Variants in RALGAPA2 observed in about 807,000 individuals in gnomAD.
RALGAPA2 encodes the protein ral GTPase-activating protein subunit alpha-2.
RALGAPA2 carries 139 observed loss-of-function variants against 230.4 expected under a neutral mutation model. That is an observed-to-expected ratio of 0.60 (90% CI 0.53 to 0.69). The LOEUF (loss-of-function observed/expected upper bound fraction) is 0.69, where lower values mean the gene tolerates loss of function less well. Ranked by LOEUF, RALGAPA2 falls within the 30% of genes least tolerant of loss-of-function variation. The pLI is 0.00. For synonymous variants in RALGAPA2, 847 were observed against 837.8 expected, an observed-to-expected ratio of 1.01 and a Z score of -0.19; for missense variants, 2,163 against 2,276.0, an observed-to-expected ratio of 0.95 and a Z score of 1.01.
intron 20 of RALGAPA2, among the ~76,000 whole-genome samples, chr20:20,582,400 C>T (rs1044685465): frequency 3.3e-5 from 5 of 151,902 alleles, no homozygotes; most frequent in Admixed American, 6.6e-5. Context: ...GCCTGGAAGC[C>T]GACCCAGAAA....
intron 39 of RALGAPA2, among the ~76,000 whole-genome samples, chr20:20,394,015 C>T (rs2059653369): frequency 6.6e-6 from 1 of 152,152 alleles, no homozygotes; most frequent in South Asian, 2.1e-4. Context: ...GTATTATGCC[C>T]CAAGTTTCCT....
chr20:20,422,577 A>T (rs929133794), intron 37 of RALGAPA2, among the ~76,000 whole-genome samples: 1 of 152,190 alleles, frequency 6.6e-6, no homozygotes, highest in Non-Finnish European at 1.5e-5. Context: ...TCTCAAAAAA[A>T]AAATGCCCCC....
chr20:20,473,442 C>A (rs1231831072), intron 36 of RALGAPA2, among the ~76,000 whole-genome samples: 3 of 152,118 alleles, frequency 2.0e-5, no homozygotes, highest in Admixed American at 1.3e-4. Context: ...TTCTTCTCGA[C>A]CTTTTCCCCC....
At position 20,514,848 on chromosome 20, in the gene RALGAPA2, C is replaced by T. The variant is rs149120178; in HGVS notation, c.4085-1564G>A. 3.9e-5 allele frequency among the ~76,000 whole-genome samples: 6 copies of T among 152,350 alleles called. No homozygotes were observed. The East Asian group carries it at 1.2e-3, about 29-fold the overall frequency. ...CAAGCCCAGGCAGACTTATAGGTACCTGGAGCACCCAAACCCGCTCTCCTG... is the reference window on the plus strand; with the variant it reads ...CAAGCCCAGGCAGACTTATAGGTACTTGGAGCACCCAAACCCGCTCTCCTG... On this transcript the variant is annotated intron_variant, in intron 31 of 39. Coordinates refer to ENST00000202677, the MANE Select transcript of RALGAPA2 (RefSeq NM_020343.4).
In RALGAPA2 at chr20:20,505,518, T is replaced by C. The variant is rs775753683; in HGVS notation, c.4945A>G (p.Ile1649Val). ...DSRQCRETHK[I>V]AVFYIAEGQE... ...CCTTCAGCAATGTAAAACACTGCGA[T>C]TTTGTGTGTCTCACGGCTATAAATT... is the stretch of plus-strand genomic sequence containing the variant. Residue 1649 changes from isoleucine to valine, a missense_variant, in exon 34 of 40, where the codon ATC (isoleucine) becomes GTC (valine). Transcript: ENST00000202677. 3 of 1,594,750 alleles carry C rather than the reference T, an allele frequency of 1.9e-6. No individual in the cohort carries two copies. Among genetic ancestry groups the C allele is most frequent in the Non-Finnish European group, 2.6e-6 (3 of 1,171,230 alleles).
intron 37 of RALGAPA2, among the ~76,000 whole-genome samples, chr20:20,466,486 A>T (rs1378692445): frequency 6.6e-6 from 1 of 152,156 alleles, no homozygotes; most frequent in Non-Finnish European, 1.5e-5. Context: ...ATCCTCTTTT[A>T]ATACCTCTCA....
chr20:20,512,751 G>C lies in RALGAPA2; in HGVS notation c.4618C>G (p.Leu1540Val). 1 of 1,613,792 alleles carries C rather than the reference G, an allele frequency of 6.2e-7. No individual in the cohort carries two copies. The highest frequency in any genetic ancestry group is 1.1e-5 in the South Asian group (1 of 91,060). Residue 1540 changes from leucine (L) to valine (V), a missense_variant, in exon 32 of 40, where the codon CTA becomes GTA. Physicochemically the swap from Leu to Val is conservative, Grantham distance 32. Coordinates refer to ENST00000202677, the MANE Select transcript of RALGAPA2 (RefSeq NM_020343.4). ...GTTAGGGAAGGTTCATTTAGATTTA[G>C]CTGTGACGGTAAAAGGCATTCAGGA... ...TSPECLLPSQLNLNEPSLTPC... is the reference protein window; with the variant it reads ...TSPECLLPSQVNLNEPSLTPC...
At chr20:20,665,202 G>GT (rs1322130019) in intron 3 of RALGAPA2, among the ~76,000 whole-genome samples, 1 of 152,162 alleles carries the variant, frequency 6.6e-6, no homozygotes, top group African/African-American at 2.4e-5. Context: ...ACATGCTCAG[G>GT]TTTCAGTGTG....
intron 9 of RALGAPA2, 78 bp downstream of exon 9, chr20:20,635,340 C>T (rs1332222161): frequency 2.1e-6 from 3 of 1,414,358 alleles, no homozygotes; most frequent in Non-Finnish European, 2.9e-6. Flanking sequence ...ATAACTCTAA[C>T]AATCAATAAC....
intron 26 of RALGAPA2, among the ~76,000 whole-genome samples, chr20:20,533,031 A>C (rs1269228373): frequency 1.3e-5 from 2 of 151,930 alleles, no homozygotes; most frequent in African/African-American, 2.4e-5. Flanking sequence ...ATGGAAAAAA[A>C]ATCCAAAAAA....
chr20:20,498,317 G>C (rs1156713350), intron 35 of RALGAPA2, among the ~76,000 whole-genome samples: 1 of 152,196 alleles, frequency 6.6e-6, no homozygotes, highest in African/African-American at 2.4e-5. Context: ...ACAATGGCTG[G>C]ATACTTATCA....
chr20:20,539,177 T>C (rs544889127), intron 24 of RALGAPA2, among the ~76,000 whole-genome samples: 2 of 152,292 alleles, frequency 1.3e-5, no homozygotes, highest in East Asian at 3.9e-4. Flanking sequence ...TGGTGACTTG[T>C]GCGAGCCATC....
chr20:20,596,034 CAAAT>C (rs1373258452), intron 16 of RALGAPA2, among the ~76,000 whole-genome samples: 1 of 151,870 alleles, frequency 6.6e-6, no homozygotes. Context: ...GGGAAAAAAA[CAAAT>C]AAAAGAAAAT....
chr20:20,412,160 G>T lies in RALGAPA2; in HGVS notation c.5496-12C>A, dbSNP rs781741370. The stretch of plus-strand genomic sequence containing the variant: ...CTCGCTCTTCATAGCTGCGGTAATC[G>T]GTTAAGGAAACAAGTGCACGTGCAA... On this transcript the variant is annotated splice_polypyrimidine_tract_variant and intron_variant, in intron 37 of 39. Coordinates refer to ENST00000202677, the MANE Select transcript of RALGAPA2 (RefSeq NM_020343.4). 1 of 1,613,412 alleles carries T rather than the reference G, an allele frequency of 6.2e-7. No homozygotes were observed. The highest frequency in any genetic ancestry group is 1.1e-5 in the South Asian group (1 of 91,054).
intron 1 of RALGAPA2, among the ~76,000 whole-genome samples, chr20:20,695,947 C>G (rs2069096640): frequency 6.6e-6 from 1 of 152,122 alleles, no homozygotes; most frequent in African/African-American, 2.4e-5. Context: ...TGGTCTCATT[C>G]TTCTCCAGCC....
intron 28 of RALGAPA2, 119 bp downstream of exon 28, chr20:20,526,133 C>T (rs2063194474): frequency 1.2e-6 from 1 of 801,088 alleles, no homozygotes; most frequent in Non-Finnish European, 1.9e-6. Flanking sequence ...AAACGAGTGA[C>T]TTGTGGCAAT....
intron 39 of RALGAPA2, among the ~76,000 whole-genome samples, chr20:20,396,026 C>T (rs1016960087): frequency 1.3e-5 from 2 of 152,214 alleles, no homozygotes; most frequent in African/African-American, 4.8e-5. Context: ...GGTTTTCAGA[C>T]AGCCTTGCCA....
chr20:20,460,363 TA>T (rs1232957830), intron 37 of RALGAPA2, among the ~76,000 whole-genome samples: 3 of 152,260 alleles, frequency 2.0e-5, no homozygotes, highest in Non-Finnish European at 4.4e-5. Flanking sequence ...AGTTATTATT[TA>T]ATTTAAACTA....
intron 23 of RALGAPA2, among the ~76,000 whole-genome samples, chr20:20,551,550 A>C (rs1442212368): frequency 6.6e-6 from 1 of 152,260 alleles, no homozygotes; most frequent in Non-Finnish European, 1.5e-5. Context: ...TGGTGAGAAC[A>C]TCTGTCTCTT....
Sources: allele counts gnomAD v4.1 joint callset (sites outside exome capture counted in the v4.1 genomes callset), GRCh38; gene constraint gnomAD v4.1.1; transcripts MANE v1.5; gene names NCBI Gene and HGNC (gene_info 2026-07-23, HGNC 2026-07-21).